TRANK1: variants seen among roughly 807,000 people sequenced by gnomAD.
TRANK1 encodes tetratricopeptide repeat and ankyrin repeat containing 1.
Under a neutral mutation model 266.0 loss-of-function variants are expected in TRANK1, and 198 were observed. That is an observed-to-expected ratio of 0.74 (90% CI 0.66 to 0.84). TRANK1 has a LOEUF of 0.84. Ranked by LOEUF, TRANK1 falls within the 40% of genes least tolerant of loss-of-function variation. TRANK1 has a pLI of 0.00. For synonymous variants in TRANK1, 1,396 were observed against 1,384.1 expected, an observed-to-expected ratio of 1.01 and a Z score of -0.19; for missense variants, 3,326 against 3,634.6, an observed-to-expected ratio of 0.92 and a Z score of 2.18.
Position 36,879,823 on chromosome 3 carries a change from A to AATATATGTAAATATACAG in TRANK1, c.908-5528_908-5527insCTGTATATTTACATATAT, listed in dbSNP as rs1559448885. Among the ~76,000 whole-genome samples the AATATATGTAAATATACAG allele has an allele frequency of 2.6e-5, 3 of 113,934 alleles. 1 individual carries two copies. The highest frequency in any genetic ancestry group is 1.2e-4 in the African/African-American group (3 of 25,724). The allele number at this position is 113,934 out of a possible 152,430, so 74.7% of individuals were successfully genotyped here. On this transcript the variant is annotated intron_variant, in intron 8 of 23. Coordinates refer to ENST00000645898, the MANE Select transcript of TRANK1 (RefSeq NM_001329998.2). The stretch of plus-strand genomic sequence containing the variant: ...ATATACAAATATATGTAAATATACA[A>AATATATGTAAATATACAG]ATATATGTAAATATACAAATATATG...
In TRANK1 at chr3:36,915,395, G is replaced by A. The variant is rs550919849; in HGVS notation, c.24-6941C>T. Among the ~76,000 whole-genome samples the A allele has an allele frequency of 9.2e-5, 14 of 152,286 alleles. No individual in the cohort carries two copies. The East Asian group carries it at 2.5e-3, about 27-fold the overall frequency. Reference sequence around the variant, plus strand: ...TTTATTATTTCTTTGTGTTGGGAATGTTCAATATCCTCCTTCTAGCTATTT... The same window carrying A: ...TTTATTATTTCTTTGTGTTGGGAATATTCAATATCCTCCTTCTAGCTATTT... On this transcript the variant is annotated intron_variant, in intron 1 of 23. Coordinates refer to ENST00000645898, the MANE Select transcript of TRANK1 (RefSeq NM_001329998.2).
chr3:36,870,303 A>G (rs1159338105), intron 9 of TRANK1, among the ~76,000 whole-genome samples: 1 of 152,074 alleles, frequency 6.6e-6, no homozygotes, highest in East Asian at 1.9e-4. Flanking sequence ...GCTACGTGGG[A>G]GGCTGAGGCA....
At chr3:36,863,269 C>T (rs1384094594) in intron 10 of TRANK1, among the ~76,000 whole-genome samples, 1 of 152,168 alleles carries the variant, frequency 6.6e-6, no homozygotes, top group Non-Finnish European at 1.5e-5. Flanking sequence ...AAGCAGCATT[C>T]CCATCGAATG....
intron 8 of TRANK1, among the ~76,000 whole-genome samples, chr3:36,879,662 AAAT>A (rs1266369877): frequency 3.5e-5 from 4 of 114,140 alleles, no homozygotes; most frequent in African/African-American, 1.5e-4. Context: ...ATAAATATAT[AAAT>A]ATATATAAAT....
At chr3:36,941,797 T>A (rs78278804) in intron 1 of TRANK1, among the ~76,000 whole-genome samples, 1 of 152,214 alleles carries the variant, frequency 6.6e-6, no homozygotes, top group Non-Finnish European at 1.5e-5. Flanking sequence ...CCTGTAAAGA[T>A]TTCTTAACAA....
intron 15 of TRANK1, chr3:36,851,379 G>C: frequency 9.6e-7 from 1 of 1,043,144 alleles, no homozygotes; most frequent in Non-Finnish European, 1.2e-6. Flanking sequence ...GGCTTCATCT[G>C]TAAGGCTCTC....
intron 1 of TRANK1, among the ~76,000 whole-genome samples, chr3:36,914,123 T>G (rs938409980): frequency 1.3e-4 from 20 of 152,106 alleles, no homozygotes; most frequent in African/African-American, 2.4e-4. Flanking sequence ...TGACTGTTTT[T>G]GGGTTTGTTT....
In TRANK1 at chr3:36,833,321, AG is replaced by A. The variant is rs759000045; in HGVS notation, c.6261del (p.Leu2088TrpfsTer14). 6.2e-7 allele frequency: 1 copy of A among 1,613,940 alleles called. No homozygotes were observed. The highest frequency in any genetic ancestry group is 1.1e-5 in the South Asian group (1 of 91,080). The stretch of plus-strand genomic sequence containing the variant: ...CTGACCAGACTGAGGAGGATTTCCA[AG>A]CCCCCTGGAGCCAGGCCCAGAATCT... ...PEKILGLAPG[G>X]LEILLSLVRA... is the part of the protein sequence containing the mutation. On this transcript the variant is annotated frameshift_variant, in exon 22 of 24. Transcript: ENST00000645898. LOFTEE classifies it high-confidence loss of function.
intron 8 of TRANK1, among the ~76,000 whole-genome samples, chr3:36,875,794 T>TA (rs2079380015): frequency 6.6e-6 from 1 of 152,236 alleles, no homozygotes. Context: ...TGTTTAACAA[T>TA]TATAGAAATT....
At chr3:36,888,368 G>A (rs1188131720) in intron 8 of TRANK1, among the ~76,000 whole-genome samples, 1 of 152,114 alleles carries the variant, frequency 6.6e-6, no homozygotes, top group Non-Finnish European at 1.5e-5. Flanking sequence ...ATGGATGTGG[G>A]GTTTCTTTTT....
Position 36,889,951 on chromosome 3 carries a change from T to C in TRANK1, c.785A>G (p.His262Arg), listed in dbSNP as rs901892311. 15 of 1,536,918 alleles carry C rather than the reference T, an allele frequency of 9.8e-6. 1 individual carries two copies. The highest frequency in any genetic ancestry group is 2.7e-5 in the African/African-American group (2 of 73,018). Reference protein sequence around the residue: ...MRLCIQARENHLFRWLMDHKP... With the variant: ...MRLCIQARENRLFRWLMDHKP... ...GTGATCCATTAACCACCGGAAAAGA[T>C]GGTTTTCTCCTGAAGGGAATTAAAA... Residue 262 changes from histidine (H) to arginine (R), a missense_variant, in exon 8 of 24, where the codon CAT (histidine) becomes CGT (arginine). By Grantham distance (29) the His-to-Arg change is conservative (BLOSUM62 0). Coordinates refer to ENST00000645898, the MANE Select transcript of TRANK1 (RefSeq NM_001329998.2).
intron 9 of TRANK1, among the ~76,000 whole-genome samples, chr3:36,867,682 A>C (rs2079245728): frequency 6.6e-6 from 1 of 152,274 alleles, no homozygotes; most frequent in Non-Finnish European, 1.5e-5. Context: ...ATGACTACGT[A>C]AGTACTGAAC....
At position 36,829,208 on chromosome 3, in the gene TRANK1, A is replaced by G. The variant is rs1447875112; in HGVS notation, c.8809+356T>C. The stretch of plus-strand genomic sequence containing the variant: ...CAATAACTATCCACTGACTTAAATG[A>G]CTGATCGACACAGGAAAACATTTCT... On this transcript the variant is annotated intron_variant, in intron 23 of 23. Coordinates refer to ENST00000645898, the MANE Select transcript of TRANK1 (RefSeq NM_001329998.2). Among the ~76,000 whole-genome samples the G allele has an allele frequency of 2.6e-5, 4 of 152,202 alleles. No individual in the cohort carries two copies. In the East Asian group the frequency reaches 7.7e-4, roughly 29 times the overall value.
intron 8 of TRANK1, among the ~76,000 whole-genome samples, chr3:36,881,674 G>C (rs1156694479): frequency 1.3e-5 from 2 of 152,116 alleles, no homozygotes; most frequent in Non-Finnish European, 2.9e-5. Flanking sequence ...TTATGAAGTT[G>C]TACAACCATC....
At chr3:36,848,076 T>C (rs1278712746) in intron 15 of TRANK1, among the ~76,000 whole-genome samples, 3 of 152,154 alleles carry the variant, frequency 2.0e-5, no homozygotes, top group East Asian at 3.8e-4. Flanking sequence ...AAATGTCAAA[T>C]AATAAATATT....
intron 1 of TRANK1, among the ~76,000 whole-genome samples, chr3:36,933,967 AT>A (rs1446066386): frequency 6.6e-6 from 1 of 152,194 alleles, no homozygotes; most frequent in Non-Finnish European, 1.5e-5. Flanking sequence ...TTCCACTGTG[AT>A]TGTTCCTTTA....
In TRANK1 at chr3:36,832,463, T is replaced by A. The variant is rs746584414; in HGVS notation, c.7120A>T (p.Arg2374Trp). The A allele has an allele frequency of 1.2e-6, 2 of 1,613,968 alleles. No homozygotes were observed. Among genetic ancestry groups the A allele is most frequent in the Non-Finnish European group, 1.7e-6 (2 of 1,179,870 alleles). Residue 2374 changes from arginine (R) to tryptophan (W), a missense_variant, in exon 22 of 24, where the codon AGG becomes TGG. Arg to Trp is a moderately radical substitution (Grantham distance 101). Coordinates refer to ENST00000645898, the MANE Select transcript of TRANK1 (RefSeq NM_001329998.2). ...ALESEKDERGRGRGSRIKGIE... is the reference protein window; with the variant it reads ...ALESEKDERGWGRGSRIKGIE... ...CCTTTTATCCTGCTGCCTCTCCCCC[T>A]GCCCCTTTCATCCTTTTCAGACTCT...
intron 1 of TRANK1, among the ~76,000 whole-genome samples, chr3:36,918,671 G>T (rs940432997): frequency 6.7e-6 from 1 of 149,232 alleles, no homozygotes; most frequent in African/African-American, 2.5e-5. Context: ...AAGAGAGAAA[G>T]AAAGAAAAAG....
chr3:36,943,971 A>G (rs2080533804), intron 1 of TRANK1, among the ~76,000 whole-genome samples: 2 of 152,084 alleles, frequency 1.3e-5, no homozygotes, highest in African/African-American at 4.8e-5. Context: ...AAACACCCCG[A>G]TCTGGGAGAA....
Sources: allele counts gnomAD v4.1 joint callset (sites outside exome capture counted in the v4.1 genomes callset), GRCh38; gene constraint gnomAD v4.1.1; transcripts MANE v1.5; gene names NCBI Gene and HGNC (gene_info 2026-07-23, HGNC 2026-07-21).